The following OPCML variants were observed in gnomAD, a reference collection of about 807,000 sequenced individuals.
OPCML encodes opioid-binding protein/cell adhesion molecule.
A neutral mutation model predicts 37.8 loss-of-function variants in OPCML; 13 were observed. The observed-to-expected ratio is 0.34, with a 90% CI of 0.22 to 0.55. OPCML has a LOEUF of 0.55. Among genes scored for constraint, OPCML ranks in the 20% least tolerant of loss-of-function variants. The pLI is 0.91. For synonymous variants in OPCML, 176 were observed against 168.8 expected (o/e 1.04, Z -0.33); for missense variants, 341 against 435.6 (o/e 0.78, Z 1.93).
At chr11:132,657,022 A>C in intron 3 of OPCML, 65 bp downstream of exon 3, 1 of 1,579,068 alleles carries the variant, frequency 6.3e-7, no homozygotes, top group Non-Finnish European at 8.6e-7. Flanking sequence ...TAGAACAAAC[A>C]CCAACACTGT....
chr11:132,822,185 C>T (rs1349464293), intron 2 of OPCML, among the ~76,000 whole-genome samples: 1 of 152,116 alleles, frequency 6.6e-6, no homozygotes, highest in East Asian at 1.9e-4. Context: ...TGTGCAGGGC[C>T]ACCTTCCAAT....
At chr11:132,583,027 C>CTTTT (rs2096465439) in intron 3 of OPCML, among the ~76,000 whole-genome samples, 1 of 151,570 alleles carries the variant, frequency 6.6e-6, no homozygotes, top group South Asian at 2.1e-4. Flanking sequence ...AGGAAAATGT[C>CTTTT]TCTACACTTT....
At chr11:132,968,787 C>G (rs1404873192) in intron 1 of OPCML, among the ~76,000 whole-genome samples, 2 of 152,168 alleles carry the variant, frequency 1.3e-5, no homozygotes, top group Non-Finnish European at 2.9e-5. Flanking sequence ...TGTATATGGA[C>G]TATCGTGTCA....
intron 1 of OPCML, among the ~76,000 whole-genome samples, chr11:132,996,134 T>C (rs546487591): frequency 1.3e-5 from 2 of 152,264 alleles, no homozygotes; most frequent in South Asian, 4.1e-4. Context: ...ACACAGACTT[T>C]AGCATATTTT....
chr11:132,808,222 G>A (rs1299519233), intron 2 of OPCML, among the ~76,000 whole-genome samples: 2 of 152,188 alleles, frequency 1.3e-5, no homozygotes, highest in Non-Finnish European at 2.9e-5. Flanking sequence ...TGATTACAAG[G>A]CAATGTAATA....
At chr11:132,670,146 A>G (rs1188472593) in intron 2 of OPCML, among the ~76,000 whole-genome samples, 1 of 152,156 alleles carries the variant, frequency 6.6e-6, no homozygotes, top group African/African-American at 2.4e-5. Flanking sequence ...ATCCTGACAT[A>G]TTTACTCACG....
At chr11:132,739,512 A>G (rs1166446906) in intron 2 of OPCML, among the ~76,000 whole-genome samples, 1 of 152,222 alleles carries the variant, frequency 6.6e-6, no homozygotes. Flanking sequence ...TCAACCAGCT[A>G]TAGCCAAGAA....
chr11:132,783,389 A>T (rs575827719), intron 2 of OPCML, among the ~76,000 whole-genome samples: 1 of 152,308 alleles, frequency 6.6e-6, no homozygotes, highest in South Asian at 2.1e-4. Flanking sequence ...CTAATATCCC[A>T]AGGGCAATAA....
intron 4 of OPCML, among the ~76,000 whole-genome samples, chr11:132,448,156 C>T (rs1031494713): frequency 2.4e-4 from 36 of 152,226 alleles, no homozygotes; most frequent in Admixed American, 4.6e-4. Flanking sequence ...AGGAACAGCA[C>T]AGCTCAGTTC....
chr11:132,546,247 C>A (rs1010562335), intron 3 of OPCML, among the ~76,000 whole-genome samples: 7 of 152,126 alleles, frequency 4.6e-5, no homozygotes, highest in African/African-American at 1.7e-4. Flanking sequence ...CCAGACTTCC[C>A]AACATCCCTT....
intron 1 of OPCML, among the ~76,000 whole-genome samples, chr11:133,469,171 T>A (rs1591535205): frequency 6.6e-6 from 1 of 152,314 alleles, no homozygotes; most frequent in East Asian, 1.9e-4. Flanking sequence ...TTCTAACAAA[T>A]GACATGAAAT....
chr11:133,122,488 G>A (rs1215812770), intron 1 of OPCML, among the ~76,000 whole-genome samples: 1 of 152,098 alleles, frequency 6.6e-6, no homozygotes, highest in Non-Finnish European at 1.5e-5. Context: ...CTGGGCAGGA[G>A]GCCTCTGATT....
intron 3 of OPCML, among the ~76,000 whole-genome samples, chr11:132,605,985 G>A (rs768703615): frequency 3.3e-5 from 5 of 152,160 alleles, no homozygotes; most frequent in African/African-American, 4.8e-5. Context: ...CCAGCTCTGT[G>A]AATACTTTTG....
intron 2 of OPCML, among the ~76,000 whole-genome samples, chr11:132,681,779 C>A (rs1391801655): frequency 6.6e-6 from 1 of 152,006 alleles, no homozygotes. Context: ...CACGGTGAAA[C>A]CCCGTCTCTA....
intron 1 of OPCML, among the ~76,000 whole-genome samples, chr11:133,126,419 C>A (rs1949516668): frequency 6.6e-6 from 1 of 152,170 alleles, no homozygotes. Context: ...TTCCCAGACA[C>A]ACCCAGAAAT....
chr11:133,095,687 A>T (rs563958401), intron 1 of OPCML, among the ~76,000 whole-genome samples: 1 of 150,630 alleles, frequency 6.6e-6, no homozygotes, highest in South Asian at 2.1e-4. Flanking sequence ...AGAAAATCAA[A>T]GATAATGAAA....
At chr11:133,102,317 TA>T (rs1949095014) in intron 1 of OPCML, among the ~76,000 whole-genome samples, 1 of 152,178 alleles carries the variant, frequency 6.6e-6, no homozygotes. Flanking sequence ...GCAGATGGTA[TA>T]TGGGAAATCT....
rs1056061429 is a variant in OPCML, at chr11:132,892,837, A to G, written c.146+50089T>C. ...AATACTGCTATTTATTGAGTAGAATATAACAAAGAGCAAGAAGCTAAAAGC... is the reference window on the plus strand; with the variant it reads ...AATACTGCTATTTATTGAGTAGAATGTAACAAAGAGCAAGAAGCTAAAAGC... On this transcript the variant is annotated intron_variant, in intron 2 of 7. Transcript: ENST00000524381. Among the ~76,000 whole-genome samples, 6 of 152,230 alleles carry G rather than the reference A, an allele frequency of 3.9e-5. No homozygotes were observed. In the East Asian group the frequency reaches 5.8e-4, roughly 15 times the overall value.
chr11:133,029,924 C>T (rs539557766), intron 1 of OPCML, among the ~76,000 whole-genome samples: 1 of 152,230 alleles, frequency 6.6e-6, no homozygotes, highest in South Asian at 2.1e-4. Context: ...GAATAATTAT[C>T]TTCATCTTAC....
Sources: allele counts gnomAD v4.1 joint callset (sites outside exome capture counted in the v4.1 genomes callset), GRCh38; gene constraint gnomAD v4.1.1; transcripts MANE v1.5; gene names NCBI Gene and HGNC (gene_info 2026-07-23, HGNC 2026-07-21).